Variants in IDE observed in about 807,000 individuals in gnomAD.
The protein encoded by IDE is insulin-degrading enzyme.
A neutral mutation model predicts 133.2 loss-of-function variants in IDE; 58 were observed. The observed-to-expected ratio is 0.44, with a 90% confidence interval of 0.35 to 0.54. The LOEUF is 0.54. Ranked by LOEUF, IDE falls within the 20% of genes least tolerant of loss-of-function variation. The pLI is 0.00. For missense variants in IDE, 981 were observed against 1,234.0 expected (o/e 0.79, Z 3.07); for synonymous variants, 396 against 421.3 (o/e 0.94, Z 0.73).
intron 4 of IDE, among the ~76,000 whole-genome samples, chr10:92,529,997 A>G (rs1421732065): frequency 3.3e-5 from 5 of 152,120 alleles, no homozygotes; most frequent in Admixed American, 2.0e-4. Context: ...AGGCCGAGGC[A>G]GGCGGATCAC....
intron 1 of IDE, among the ~76,000 whole-genome samples, chr10:92,561,292 A>C (rs1033182059): frequency 5.3e-5 from 8 of 152,034 alleles, no homozygotes; most frequent in African/African-American, 1.7e-4. Flanking sequence ...TAAATAAGTA[A>C]GGCGAACTCA....
chr10:92,504,947 A>T, intron 10 of IDE, 50 bp from the exon 11 acceptor site: 1 of 817,654 alleles, frequency 1.2e-6, no homozygotes, highest in Non-Finnish European at 1.9e-6. Flanking sequence ...GCTACTACAT[A>T]GTTTATTAAA....
chr10:92,568,987 C>A (rs1307614414), intron 1 of IDE, among the ~76,000 whole-genome samples: 1 of 150,902 alleles, frequency 6.6e-6, no homozygotes, highest in Non-Finnish European at 1.5e-5. Context: ...CTGGCATGTA[C>A]AATATTAAAT....
intron 11 of IDE, among the ~76,000 whole-genome samples, chr10:92,494,372 T>G: frequency 7.0e-6 from 1 of 143,850 alleles, no homozygotes. Context: ...CCAGCCCAGT[T>G]TTTTTTTTTT....
intron 12 of IDE, among the ~76,000 whole-genome samples, chr10:92,490,016 T>C (rs533473976): frequency 2.6e-5 from 4 of 152,240 alleles, no homozygotes; most frequent in Non-Finnish European, 5.9e-5. Context: ...ATACCTTTTC[T>C]GAAAATCATA....
chr10:92,561,693 C>T (rs1843291677), intron 1 of IDE, among the ~76,000 whole-genome samples: 1 of 151,780 alleles, frequency 6.6e-6, no homozygotes, highest in Non-Finnish European at 1.5e-5. Flanking sequence ...ACACGGGAGG[C>T]GGAGCTTGCA....
chr10:92,533,955 G>A (rs762757462), intron 3 of IDE, among the ~76,000 whole-genome samples: 17 of 151,792 alleles, frequency 1.1e-4, no homozygotes, highest in Non-Finnish European at 1.6e-4. Context: ...CCCGGAAGGC[G>A]AAGGTTGCAG....
At chr10:92,511,700 T>C (rs1231587701) in intron 5 of IDE, among the ~76,000 whole-genome samples, 1 of 151,950 alleles carries the variant, frequency 6.6e-6, no homozygotes, top group Non-Finnish European at 1.5e-5. Flanking sequence ...CTCAATTTTT[T>C]TGACATGTAT....
At chr10:92,461,710 G>C (rs1439441083) in intron 21 of IDE, among the ~76,000 whole-genome samples, 1 of 151,614 alleles carries the variant, frequency 6.6e-6, no homozygotes, top group African/African-American at 2.4e-5. Flanking sequence ...TCTCACCCAG[G>C]CTGTTGTGCA....
intron 15 of IDE, among the ~76,000 whole-genome samples, chr10:92,478,192 T>C (rs1242739461): frequency 1.3e-5 from 2 of 152,170 alleles, no homozygotes; most frequent in African/African-American, 2.4e-5. Flanking sequence ...ATAAAGTAGG[T>C]AATGGTGCAT....
At chr10:92,554,137 G>C (rs1842907645) in intron 1 of IDE, among the ~76,000 whole-genome samples, 1 of 152,192 alleles carries the variant, frequency 6.6e-6, no homozygotes, top group Non-Finnish European at 1.5e-5. Flanking sequence ...CCTTGATCAA[G>C]TGAGATTTAT....
chr10:92,527,621 T>C (rs1313804047), intron 4 of IDE, among the ~76,000 whole-genome samples: 1 of 152,218 alleles, frequency 6.6e-6, no homozygotes, highest in Non-Finnish European at 1.5e-5. Flanking sequence ...ACATATTTCT[T>C]GCAACTCTTT....
chr10:92,548,586 G>A (rs1589522341), intron 1 of IDE, among the ~76,000 whole-genome samples: 2 of 151,994 alleles, frequency 1.3e-5, no homozygotes, highest in African/African-American at 4.8e-5. Flanking sequence ...TATTATGGTC[G>A]CAGTGGCTAA....
Position 92,463,778 on chromosome 10 carries a change from G to C in IDE, c.2714C>G (p.Ala905Gly), listed in dbSNP as rs761629490. 5.0e-6 allele frequency: 8 copies of C among 1,614,096 alleles called. No individual in the cohort carries two copies. The highest frequency in any genetic ancestry group is 6.8e-6 in the Non-Finnish European group (8 of 1,179,968). ...GGAGATGATTTCTCCCCAGTATTTAGCACACTCAGCAGATAGCTTCTTTGG... is the reference window on the plus strand; with the variant it reads ...GGAGATGATTTCTCCCCAGTATTTACCACACTCAGCAGATAGCTTCTTTGG... ...DKPKKLSAECAKYWGEIISQQ... is the reference protein window; with the variant it reads ...DKPKKLSAECGKYWGEIISQQ... The change falls in exon 21 of 25, where the codon GCT becomes GGT. Residue 905 changes from alanine to glycine, a missense_variant. This residue lies in a region of IDE where 660 missense variants were observed against 894.7 expected (regional missense o/e 0.74). Coordinates refer to ENST00000265986, the MANE Select transcript of IDE (RefSeq NM_004969.4).
In IDE at chr10:92,573,788, C is replaced by T. The variant is rs371684921; in HGVS notation, c.98+134G>A. ...GGCGGCCTCAGCGCGGCAGTACGGG[C>T]CCCAGGCCGGCGGGACGGGCGGCGT... is the stretch of plus-strand genomic sequence containing the variant. On this transcript the variant is annotated intron_variant, in intron 1 of 24. Coordinates refer to ENST00000265986, the MANE Select transcript of IDE (RefSeq NM_004969.4). The T allele has an allele frequency of 1.2e-5, 8 of 642,376 alleles. No individual in the cohort carries two copies. The East Asian group carries it at 2.1e-4, about 17-fold the overall frequency. 39.8% of individuals were successfully genotyped at this position (642,376 alleles called of 1,614,324 possible). A position where few individuals can be genotyped will look rare whatever the true frequency, so the allele number is the denominator to read the frequency against.
At chr10:92,542,761 T>C (rs1282098710) in intron 1 of IDE, among the ~76,000 whole-genome samples, 1 of 152,024 alleles carries the variant, frequency 6.6e-6, no homozygotes, top group East Asian at 1.9e-4. Context: ...GCATGAGGAA[T>C]ACAGTGGAAA....
chr10:92,546,266 G>T (rs1048289724), intron 1 of IDE, among the ~76,000 whole-genome samples: 2 of 152,178 alleles, frequency 1.3e-5, no homozygotes, highest in Non-Finnish European at 2.9e-5. Context: ...GATTTGGAAA[G>T]GAGAATGAAG....
intron 12 of IDE, among the ~76,000 whole-genome samples, chr10:92,489,567 T>C (rs894311550): frequency 7.2e-5 from 11 of 152,146 alleles, no homozygotes; most frequent in African/African-American, 2.7e-4. Flanking sequence ...AGGTTGGTTA[T>C]GGTCAGAGTC....
At chr10:92,559,493 TTA>T (rs1487427547) in intron 1 of IDE, among the ~76,000 whole-genome samples, 3 of 152,114 alleles carry the variant, frequency 2.0e-5, no homozygotes, top group African/African-American at 7.2e-5. Context: ...TTTGAAAACA[TTA>T]TGTTAAGTGA....
Sources: gnomAD v4.1 joint callset for allele counts (sites outside exome capture counted in the v4.1 genomes callset) on GRCh38, gnomAD v4.1.1 for gene constraint, gnomAD v4.1.1 regional missense constraint, MANE v1.5 for transcripts, NCBI Gene and HGNC (gene_info 2026-07-23, HGNC 2026-07-21) for gene names.